The following MAML3 variants were observed in gnomAD, a reference collection of about 807,000 sequenced individuals.
MAML3 encodes mastermind-like protein 3.
In MAML3, 27 loss-of-function variants were observed where a neutral mutation model predicts 101.9. That is an observed-to-expected ratio of 0.27 (90% CI 0.20 to 0.37). The LOEUF (loss-of-function observed/expected upper bound fraction) is 0.37, where lower values mean the gene tolerates loss of function less well. Ranked by LOEUF, MAML3 falls within the 10% of genes least tolerant of loss-of-function variation. MAML3 has a pLI of 1.00. For missense variants in MAML3, 1,316 were observed against 1,444.9 expected (o/e 0.91, Z 1.45); for synonymous variants, 501 against 555.9 (o/e 0.90, Z 1.39).
chr4:139,934,200 G>T (rs1733461832), intron 1 of MAML3, among the ~76,000 whole-genome samples: 1 of 151,980 alleles, frequency 6.6e-6, no homozygotes, highest in Admixed American at 6.6e-5. Context: ...GAATGTGTGT[G>T]TCTGTGTGTG....
intron 2 of MAML3, among the ~76,000 whole-genome samples, chr4:139,832,959 C>T (rs1442495045): frequency 1.3e-5 from 2 of 152,144 alleles, no homozygotes; most frequent in Admixed American, 6.5e-5. Flanking sequence ...AACAACAGGC[C>T]AGAGAGCATA....
chr4:139,949,796 G>C (rs1458369313), intron 1 of MAML3, among the ~76,000 whole-genome samples: 2 of 152,166 alleles, frequency 1.3e-5, no homozygotes, highest in Non-Finnish European at 2.9e-5. Flanking sequence ...ATGATGTCCA[G>C]TTGTTTGGTC....
At chr4:140,139,610 CAAATAA>C (rs1460638048) in intron 1 of MAML3, among the ~76,000 whole-genome samples, 1 of 152,098 alleles carries the variant, frequency 6.6e-6, no homozygotes, top group African/African-American at 2.4e-5. Context: ...CGGACTCTTT[CAAATAA>C]AAATAAAATG....
intron 2 of MAML3, among the ~76,000 whole-genome samples, chr4:139,863,618 T>G (rs143343432): frequency 0.012 from 1,890 of 152,250 alleles, 45 homozygotes; most frequent in African/African-American, 0.044. Flanking sequence ...ATTACAGGTG[T>G]GAGCCACCGT....
intron 1 of MAML3, among the ~76,000 whole-genome samples, chr4:140,084,037 A>T (rs1727911928): frequency 6.6e-6 from 1 of 150,984 alleles, no homozygotes; most frequent in Non-Finnish European, 1.5e-5. Context: ...GCCAGCAGAG[A>T]ATGGCCAACC....
intron 1 of MAML3, among the ~76,000 whole-genome samples, chr4:139,923,013 G>C (rs1274400632): frequency 6.6e-6 from 1 of 152,154 alleles, no homozygotes; most frequent in African/African-American, 2.4e-5. Flanking sequence ...GCTCAGAAGG[G>C]GAGGGAGCTC....
intron 1 of MAML3, among the ~76,000 whole-genome samples, chr4:140,104,989 A>G (rs1408441227): frequency 6.6e-6 from 1 of 152,084 alleles, no homozygotes; most frequent in Non-Finnish European, 1.5e-5. Context: ...AAACTTTCTG[A>G]GTGGGCACAG....
Position 140,005,855 on chromosome 4 carries a change from G to A in MAML3, c.469-114888C>T, listed in dbSNP as rs144480052. Reference sequence around the variant, plus strand: ...AATTGTTTTAATACACTGCAAGAGGGAGTGAAGCCTTGTCACTCACCAGAT... The same window carrying A: ...AATTGTTTTAATACACTGCAAGAGGAAGTGAAGCCTTGTCACTCACCAGAT... On this transcript the variant is annotated intron_variant, in intron 1 of 4. Coordinates refer to ENST00000509479, the MANE Select transcript of MAML3 (RefSeq NM_018717.5). 3.9e-5 allele frequency among the ~76,000 whole-genome samples: 6 copies of A among 152,324 alleles called. No individual in the cohort carries two copies. The East Asian group carries it at 9.7e-4, about 25-fold the overall frequency.
At chr4:140,050,001 C>T (rs1727241808) in intron 1 of MAML3, among the ~76,000 whole-genome samples, 1 of 152,008 alleles carries the variant, frequency 6.6e-6, no homozygotes, top group East Asian at 1.9e-4. Flanking sequence ...AGCAGAGAAA[C>T]ATCTCTGCTA....
At chr4:140,076,170 T>TTA (rs958392948) in intron 1 of MAML3, among the ~76,000 whole-genome samples, 19 of 151,178 alleles carry the variant, frequency 1.3e-4, no homozygotes, top group Admixed American at 7.2e-4. Flanking sequence ...CCTGGCCCAT[T>TTA]TATATATATA....
chr4:140,125,919 C>T (rs1314105617), intron 1 of MAML3, among the ~76,000 whole-genome samples: 2 of 152,112 alleles, frequency 1.3e-5, no homozygotes, highest in South Asian at 2.1e-4. Flanking sequence ...GCTGGGATTA[C>T]AGGCACGTGC....
chr4:140,038,947 C>T (rs894821758), intron 1 of MAML3, among the ~76,000 whole-genome samples: 4 of 151,836 alleles, frequency 2.6e-5, no homozygotes, highest in East Asian at 1.9e-4. Flanking sequence ...CTGGCTAACA[C>T]GGGCTACTAA....
At chr4:139,949,190 G>A (rs1733791253) in intron 1 of MAML3, among the ~76,000 whole-genome samples, 1 of 151,968 alleles carries the variant, frequency 6.6e-6, no homozygotes, top group Non-Finnish European at 1.5e-5. Context: ...TAATTTTTTT[G>A]TATTTTCCTA....
At chr4:139,834,494 C>T (rs1029146730) in intron 2 of MAML3, among the ~76,000 whole-genome samples, 2 of 152,206 alleles carry the variant, frequency 1.3e-5, no homozygotes, top group South Asian at 2.1e-4. Flanking sequence ...TGTAAGACAG[C>T]GCTTCTTGAA....
At chr4:139,894,511 AAAAGAAAGAAAGAAAGAAAG>A (rs58209239) in intron 1 of MAML3, among the ~76,000 whole-genome samples, 135 of 136,474 alleles carry the variant, frequency 9.9e-4, no homozygotes, top group African/African-American at 3.1e-3. Flanking sequence ...TCCATCTTAA[AAAAGAAAGAAAGAAAGAAAG>A]AAAGAAAGAA....
At chr4:139,896,581 G>T (rs925305595) in intron 1 of MAML3, among the ~76,000 whole-genome samples, 13 of 146,434 alleles carry the variant, frequency 8.9e-5, no homozygotes, top group Non-Finnish European at 1.8e-4. Context: ...ATTTAGTGTG[G>T]CTTGATGGCT....
chr4:139,929,885 A>G (rs989256339), intron 1 of MAML3, among the ~76,000 whole-genome samples: 1 of 152,184 alleles, frequency 6.6e-6, no homozygotes, highest in Non-Finnish European at 1.5e-5. Context: ...TTCGATTGGG[A>G]AGGAGTTTGG....
intron 2 of MAML3, among the ~76,000 whole-genome samples, chr4:139,757,916 C>T (rs1471320100): frequency 1.3e-5 from 2 of 152,102 alleles, no homozygotes; most frequent in African/African-American, 4.8e-5. Flanking sequence ...CTGCCATCAC[C>T]GTGGCTGGTC....
Position 139,785,179 on chromosome 4 carries a change from G to A in MAML3, c.2080-54512C>T, listed in dbSNP as rs1730284388. On this transcript the variant is annotated intron_variant, in intron 2 of 4. Coordinates refer to ENST00000509479, the MANE Select transcript of MAML3 (RefSeq NM_018717.5). This position sits in a 1 kb window ranked among gnomAD's most constrained non-coding sequence, Gnocchi z 4.3. ...CTAACTGACAGACACCCAGCCACAT[G>A]GCTCCTGGGTGCTCAATGTCTGAAC... Among the ~76,000 whole-genome samples, 1 of 152,216 alleles carries A rather than the reference G, an allele frequency of 6.6e-6. No individual in the cohort carries two copies. Among genetic ancestry groups the A allele is most frequent in the South Asian group, 2.1e-4 (1 of 4,832 alleles).
Sources: allele counts gnomAD v4.1 joint callset (sites outside exome capture counted in the v4.1 genomes callset), GRCh38; gene constraint gnomAD v4.1.1; non-coding constraint Gnocchi (gnomAD v3.1); transcripts MANE v1.5; gene names NCBI Gene and HGNC (gene_info 2026-07-23, HGNC 2026-07-21).